Variants in HCN1 observed in about 807,000 individuals in gnomAD.
The protein encoded by HCN1 is potassium/sodium hyperpolarization-activated cyclic nucleotide-gated channel 1.
HCN1 carries 13 observed loss-of-function variants against 78.9 expected under a neutral mutation model. The observed-to-expected ratio is 0.16, with a 90% CI of 0.11 to 0.26. The LOEUF (loss-of-function observed/expected upper bound fraction) is 0.26, where lower values mean the gene tolerates loss of function less well. Among genes scored for constraint, HCN1 ranks in the 10% least tolerant of loss-of-function variants. The pLI, the probability that HCN1 is intolerant of heterozygous loss-of-function variation, is 1.00. For synonymous variants in HCN1, 552 were observed against 455.5 expected (o/e 1.21, Z -2.70); for missense variants, 810 against 1,154.3 (o/e 0.70, Z 4.32).
At chr5:45,323,437 T>A (rs1043177108) in intron 5 of HCN1, among the ~76,000 whole-genome samples, 4 of 151,866 alleles carry the variant, frequency 2.6e-5, no homozygotes, top group Non-Finnish European at 5.9e-5. Flanking sequence ...TGTAGAACAA[T>A]CATGATATCA....
At chr5:45,536,849 T>C (rs1012654536) in intron 2 of HCN1, among the ~76,000 whole-genome samples, 1 of 152,216 alleles carries the variant, frequency 6.6e-6, no homozygotes, top group Non-Finnish European at 1.5e-5. Flanking sequence ...AAACTAGAAC[T>C]CCAAGCTCAG....
At chr5:45,418,056 T>A (rs1740154140) in intron 3 of HCN1, among the ~76,000 whole-genome samples, 2 of 151,912 alleles carry the variant, frequency 1.3e-5, no homozygotes, top group African/African-American at 2.4e-5. Flanking sequence ...TCTGGAAAAG[T>A]GAGTACCTAA....
intron 3 of HCN1, among the ~76,000 whole-genome samples, chr5:45,438,008 C>T (rs1210077566): frequency 1.3e-5 from 2 of 152,154 alleles, no homozygotes; most frequent in Non-Finnish European, 2.9e-5. Flanking sequence ...CCTCCCAGAA[C>T]AAGTGATCCA....
At chr5:45,499,641 G>A (rs1346663688) in intron 2 of HCN1, among the ~76,000 whole-genome samples, 4 of 152,104 alleles carry the variant, frequency 2.6e-5, no homozygotes, top group African/African-American at 9.7e-5. Flanking sequence ...TATATTACTA[G>A]CACAGAGCAG....
intron 5 of HCN1, among the ~76,000 whole-genome samples, chr5:45,342,395 A>ATT (rs34854398): frequency 0.052 from 7,112 of 137,092 alleles, 618 homozygotes; most frequent in African/African-American, 0.18. Flanking sequence ...ACACCTGGCT[A>ATT]TTTTTTTTTT....
chr5:45,283,516 A>G (rs185652730), intron 6 of HCN1, among the ~76,000 whole-genome samples: 24 of 152,296 alleles, frequency 1.6e-4, no homozygotes, highest in African/African-American at 5.1e-4. Flanking sequence ...GAAGACATAC[A>G]TGCGGCCAAC....
intron 1 of HCN1, among the ~76,000 whole-genome samples, chr5:45,661,398 G>C (rs1217975711): frequency 6.6e-6 from 1 of 150,574 alleles, no homozygotes; most frequent in Non-Finnish European, 1.5e-5. Flanking sequence ...AAAAGAACTA[G>C]AAAAGCAAGA....
intron 3 of HCN1, among the ~76,000 whole-genome samples, chr5:45,442,589 G>A (rs1404476785): frequency 6.7e-6 from 1 of 150,154 alleles, no homozygotes. Context: ...GTATATATAT[G>A]TAAGGTAGTT....
At chr5:45,604,850 T>G (rs945396248) in intron 2 of HCN1, among the ~76,000 whole-genome samples, 3 of 152,040 alleles carry the variant, frequency 2.0e-5, no homozygotes, top group African/African-American at 7.2e-5. Context: ...TTTATAGTTA[T>G]AAAGTTACCC....
intron 2 of HCN1, among the ~76,000 whole-genome samples, chr5:45,523,607 C>T (rs1371108897): frequency 2.6e-5 from 4 of 152,052 alleles, no homozygotes; most frequent in African/African-American, 9.7e-5. Context: ...TCTCTGATGG[C>T]CAGTGATGGT....
intron 2 of HCN1, among the ~76,000 whole-genome samples, chr5:45,530,613 C>A (rs1333071399): frequency 6.6e-6 from 1 of 151,846 alleles, no homozygotes; most frequent in Non-Finnish European, 1.5e-5. Flanking sequence ...CTCTTAGGTT[C>A]TTGGCTTCCA....
chr5:45,426,969 TG>T (rs1370432530), intron 3 of HCN1, among the ~76,000 whole-genome samples: 1 of 152,024 alleles, frequency 6.6e-6, no homozygotes, highest in Admixed American at 6.6e-5. Context: ...TTATACTATA[TG>T]GCTATAATTA....
At chr5:45,420,562 G>A (rs575404861) in intron 3 of HCN1, among the ~76,000 whole-genome samples, 11 of 152,256 alleles carry the variant, frequency 7.2e-5, no homozygotes, top group African/African-American at 2.6e-4. Flanking sequence ...AGGCTGGTGC[G>A]ACAACATGTG....
intron 2 of HCN1, among the ~76,000 whole-genome samples, chr5:45,467,179 A>C (rs1335648129): frequency 6.6e-6 from 1 of 151,894 alleles, no homozygotes; most frequent in African/African-American, 2.4e-5. Flanking sequence ...GCTTTTCCTG[A>C]GACTTAAGAC....
intron 2 of HCN1, among the ~76,000 whole-genome samples, chr5:45,581,553 G>T (rs1193920177): frequency 1.1e-4 from 16 of 152,138 alleles, no homozygotes; most frequent in South Asian, 4.2e-4. Context: ...TTTTGGCTTT[G>T]GTTGCTATTG....
intron 4 of HCN1, among the ~76,000 whole-genome samples, chr5:45,391,126 G>C (rs1472689664): frequency 6.6e-6 from 1 of 152,092 alleles, no homozygotes; most frequent in Admixed American, 6.6e-5. Flanking sequence ...TGTACTCAAG[G>C]CATTCTTATT....
At chr5:45,511,738 G>T (rs1316055528) in intron 2 of HCN1, among the ~76,000 whole-genome samples, 1 of 151,912 alleles carries the variant, frequency 6.6e-6, no homozygotes, top group Non-Finnish European at 1.5e-5. Context: ...TGTGGTTTTT[G>T]GTTGGGATCC....
chr5:45,446,346 A>C (rs945400749), intron 3 of HCN1, among the ~76,000 whole-genome samples: 1 of 152,180 alleles, frequency 6.6e-6, no homozygotes, highest in Non-Finnish European at 1.5e-5. Flanking sequence ...CATGAAGAAT[A>C]AAAAGAAACG....
Position 45,373,792 on chromosome 5 carries a change from T to C in HCN1, c.1231-20546A>G, listed in dbSNP as rs1747500584. 1.6e-5 allele frequency among the ~76,000 whole-genome samples: 2 copies of C among 124,068 alleles called. 1 individual carries two copies. The highest frequency in any genetic ancestry group is 6.4e-5 in the African/African-American group (2 of 31,180). 81.4% of individuals were successfully genotyped at this position (124,068 alleles called of 152,430 possible). Reference sequence around the variant, plus strand: ...TCTATAATATATTACATACGGTATATACGTCATCTATAATATATTACATAC... The same window carrying C: ...TCTATAATATATTACATACGGTATACACGTCATCTATAATATATTACATAC... On this transcript the variant is annotated intron_variant, in intron 4 of 7. Transcript: ENST00000303230.
Sources: gnomAD v4.1 joint callset for allele counts (sites outside exome capture counted in the v4.1 genomes callset) on GRCh38, gnomAD v4.1.1 for gene constraint, MANE v1.5 for transcripts, NCBI Gene and HGNC (gene_info 2026-07-23, HGNC 2026-07-21) for gene names.